Variants in TNPO3 observed in about 807,000 individuals in gnomAD.
TNPO3 encodes the protein transportin-3.
A neutral mutation model predicts 122.8 loss-of-function variants in TNPO3; 65 were observed. The observed-to-expected ratio is 0.53, with a 90% CI of 0.43 to 0.65. TNPO3 has a LOEUF of 0.65. Among genes scored for constraint, TNPO3 ranks in the 30% least tolerant of loss-of-function variants. The pLI, the probability that TNPO3 is intolerant of heterozygous loss-of-function variation, is 0.00. For synonymous variants in TNPO3, 372 were observed against 411.2 expected (o/e 0.90, Z 1.15); for missense variants, 850 against 1,136.7 (o/e 0.75, Z 3.63).
rs1584601504 is a variant in TNPO3, at chr7:129,055,107, C to G, written c.-337G>C. 7.8e-6 allele frequency: 2 copies of G among 257,660 alleles called. No homozygotes were observed. The highest frequency in any genetic ancestry group is 1.7e-4 in the East Asian group (2 of 11,738). The allele number at this position is 257,660 out of a possible 1,614,324, so 16.0% of individuals were successfully genotyped here. On this transcript the variant is annotated 5_prime_UTR_variant, in exon 1 of 23. Coordinates refer to ENST00000265388, the MANE Select transcript of TNPO3 (RefSeq NM_012470.4). ...GCCACACACCAGTGTACCTAAGGTT[C>G]GTTTACCCGGACCGGAAGCGACAGC...
intron 11 of TNPO3, among the ~76,000 whole-genome samples, chr7:128,989,573 G>A (rs1563095084): frequency 6.6e-6 from 1 of 152,154 alleles, no homozygotes; most frequent in Non-Finnish European, 1.5e-5. Flanking sequence ...TTTAAATGAA[G>A]CATGTATTAC....
At chr7:128,972,316 CAATA>C (rs1434482639) in intron 19 of TNPO3, 106 bp downstream of exon 19, 2 of 1,233,788 alleles carry the variant, frequency 1.6e-6, no homozygotes, top group Admixed American at 2.3e-5. Flanking sequence ...ATATGTCTAC[CAATA>C]TAGATCAAGT....
In TNPO3 at chr7:129,017,930, T is replaced by C. The variant is rs149868719; in HGVS notation, c.321+27A>G. 1,016 of 1,609,142 alleles carry C rather than the reference T, an allele frequency of 6.3e-4. 5 individuals carry two copies. In the African/African-American group the frequency reaches 0.011, roughly 18 times the overall value. ...GATAAATCCAAATGGCCATACAAAT[T>C]TCTCTAATGAGAAGCACAGGATTTA... On this transcript the variant is annotated intron_variant, in intron 2 of 22. Coordinates refer to ENST00000265388, the MANE Select transcript of TNPO3 (RefSeq NM_012470.4).
intron 3 of TNPO3, among the ~76,000 whole-genome samples, chr7:129,016,302 G>A (rs1229378021): frequency 6.6e-6 from 1 of 152,026 alleles, no homozygotes; most frequent in Admixed American, 6.5e-5. Flanking sequence ...GCTGAGACAG[G>A]AGAATCACCT....
intron 7 of TNPO3, 126 bp from the exon 8 acceptor site, chr7:128,997,661 GA>G: frequency 1.2e-6 from 1 of 812,994 alleles, no homozygotes; most frequent in Non-Finnish European, 1.9e-6. Context: ...AGCCAGTTAA[GA>G]AGTCACCTTT....
chr7:129,027,558 CAAAAAAA>C (rs71162549), intron 1 of TNPO3, among the ~76,000 whole-genome samples: 5 of 8,970 alleles, frequency 5.6e-4, no homozygotes, highest in Admixed American at 2.6e-3. Flanking sequence ...AAGACTGTCT[CAAAAAAA>C]AAAAAAAAAA....
At chr7:129,029,052 TA>T in intron 1 of TNPO3, 1 of 301,630 alleles carries the variant, frequency 3.3e-6, no homozygotes, top group Non-Finnish European at 6.4e-6. Context: ...AAGACACATC[TA>T]AGATAGTTAA....
At chr7:129,014,311 T>C (rs1398205234) in intron 4 of TNPO3, among the ~76,000 whole-genome samples, 1 of 152,056 alleles carries the variant, frequency 6.6e-6, no homozygotes, top group Non-Finnish European at 1.5e-5. Flanking sequence ...TCACTTGAGG[T>C]CAGGAGTTCG....
chr7:128,972,348 C>T (rs189735911), intron 19 of TNPO3, 78 bp downstream of exon 19: 2 of 1,478,342 alleles, frequency 1.4e-6, no homozygotes, highest in East Asian at 2.3e-5. Context: ...TACTGGGATG[C>T]TGGTTTTCTC....
intron 1 of TNPO3, among the ~76,000 whole-genome samples, chr7:129,020,365 T>C (rs759917135): frequency 1.3e-5 from 2 of 152,222 alleles, no homozygotes; most frequent in Non-Finnish European, 2.9e-5. Context: ...ATTTTAGCCA[T>C]TGATTAACCA....
intron 14 of TNPO3, among the ~76,000 whole-genome samples, chr7:128,981,730 CTTTT>C (rs767733981): frequency 1.4e-5 from 2 of 138,246 alleles, no homozygotes. Flanking sequence ...TTTAAAGAGT[CTTTT>C]TTTTTTTTTT....
At chr7:129,007,007 T>C (rs1351102021) in intron 4 of TNPO3, among the ~76,000 whole-genome samples, 2 of 152,184 alleles carry the variant, frequency 1.3e-5, no homozygotes, top group East Asian at 1.9e-4. Context: ...ATTTCTTCTC[T>C]CTCTTCCAGG....
chr7:129,028,890 C>T (rs898518535), intron 1 of TNPO3: 50 of 351,520 alleles, frequency 1.4e-4, no homozygotes, highest in Non-Finnish European at 2.2e-4. Context: ...CATCAAGAAA[C>T]CATGAAGAGT....
chr7:128,966,993 C>T lies in TNPO3; in HGVS notation c.2711+287G>A, dbSNP rs115663147. On this transcript the variant is annotated intron_variant, in intron 21 of 22. Coordinates refer to ENST00000265388, the MANE Select transcript of TNPO3 (RefSeq NM_012470.4). ...TCAGAAGGACTTAGAAAAATATAGA[C>T]AGATCTCCTGACGGGGAGTGAGCTG... Among the ~76,000 whole-genome samples the T allele has an allele frequency of 7.0e-3, 1,066 of 152,304 alleles. 11 individuals carry two copies. Among genetic ancestry groups the T allele is most frequent in the African/African-American group, 0.025 (1,022 of 41,552 alleles).
intron 21 of TNPO3, among the ~76,000 whole-genome samples, chr7:128,958,137 CTTTTTTTT>C (rs55683535): frequency 7.3e-5 from 7 of 96,210 alleles, no homozygotes; most frequent in South Asian, 8.3e-4. Context: ...GAAGCACTTC[CTTTTTTTT>C]TTTTTTTTTT....
chr7:128,996,875 T>C (rs1189747217), intron 8 of TNPO3, among the ~76,000 whole-genome samples: 1 of 152,114 alleles, frequency 6.6e-6, no homozygotes, highest in Non-Finnish European at 1.5e-5. Flanking sequence ...ATATAATTCA[T>C]ATAACTCTTG....
chr7:129,017,065 G>C lies in TNPO3; in HGVS notation c.322-9C>G, dbSNP rs1431585359. 1.9e-6 allele frequency: 3 copies of C among 1,609,428 alleles called. No individual in the cohort carries two copies. The highest frequency in any genetic ancestry group is 2.2e-5 in the East Asian group (1 of 44,824). ...GCTATTGCTAAAGCCAGCTGAATAA[G>C]AGAGATTAAATAAATGAAGACAGAT... On this transcript the variant is annotated splice_polypyrimidine_tract_variant and intron_variant, in intron 2 of 22. Transcript: ENST00000265388.
chr7:128,955,376 A>G lies in TNPO3; in HGVS notation c.*41T>C, dbSNP rs1046022026. The G allele has an allele frequency of 4.4e-6, 2 of 456,202 alleles. No individual in the cohort carries two copies. The highest frequency in any genetic ancestry group is 8.8e-6 in the Non-Finnish European group (2 of 226,838). 28.3% of individuals were successfully genotyped at this position (456,202 alleles called of 1,614,324 possible). A position where few individuals can be genotyped will look rare whatever the true frequency, so the allele number is the denominator to read the frequency against. On this transcript the variant is annotated 3_prime_UTR_variant, in exon 23 of 23. Coordinates refer to ENST00000265388, the MANE Select transcript of TNPO3 (RefSeq NM_012470.4). ...GTTTTCTTCCTGTCTTCTAATTAAA[A>G]AAGACATTCCTGACAAAAGAGATAA... is the stretch of plus-strand genomic sequence containing the variant.
chr7:129,001,615 T>C (rs988723120), intron 5 of TNPO3, among the ~76,000 whole-genome samples: 3 of 152,222 alleles, frequency 2.0e-5, no homozygotes, highest in Non-Finnish European at 4.4e-5. Context: ...TGGATAAATG[T>C]AATAGGAAAA....
Sources: allele counts gnomAD v4.1 joint callset (sites outside exome capture counted in the v4.1 genomes callset), GRCh38; gene constraint gnomAD v4.1.1; transcripts MANE v1.5; gene names NCBI Gene and HGNC (gene_info 2026-07-23, HGNC 2026-07-21).